The following GPC4 variants were observed in gnomAD, a reference collection of about 807,000 sequenced individuals.
GPC4 encodes glypican 4.
A neutral mutation model predicts 35.0 loss-of-function variants in GPC4; 10 were observed. The ratio of observed to expected loss-of-function variants is 0.29; its 90% confidence interval spans 0.18 to 0.48. GPC4 has a LOEUF of 0.48. GPC4 is among the 20% of genes least tolerant of loss of function. The probability of loss-of-function intolerance (pLI) is 0.99; values close to 1 mark genes in which losing one functional copy is unlikely to be tolerated. For missense variants in GPC4, 322 were observed against 451.3 expected (o/e 0.71, Z 2.60); for synonymous variants, 167 against 170.2 (o/e 0.98, Z 0.15).
intron 1 of GPC4, among the ~76,000 whole-genome samples, chrX:133,353,836 C>CA (rs2068527785): frequency 9.0e-6 from 1 of 111,399 alleles, no homozygotes; most frequent in Non-Finnish European, 1.9e-5. Flanking sequence ...GGTGATCAGG[C>CA]ACCAGGGTCT....
At chrX:133,310,156 C>A (rs2068308545) in intron 4 of GPC4, among the ~76,000 whole-genome samples, 1 of 111,266 alleles carries the variant, frequency 9.0e-6, no homozygotes, top group African/African-American at 3.3e-5. Flanking sequence ...AAGCATTCCC[C>A]AACATTAACA....
chrX:133,303,368 A>G, intron 7 of GPC4, 27 bp from the exon 8 acceptor site: 1 of 1,170,625 alleles, frequency 8.5e-7, no homozygotes, highest in Non-Finnish European at 1.2e-6. Flanking sequence ...CCCCAGTAAG[A>G]TGATTCGTAA....
intron 3 of GPC4, among the ~76,000 whole-genome samples, chrX:133,321,792 A>G (rs1330165038): frequency 8.9e-6 from 1 of 111,930 alleles, no homozygotes; most frequent in Non-Finnish European, 1.9e-5. Context: ...TCCTTTAATT[A>G]TAACAATCAT....
Position 133,339,269 on chromosome X carries a change from T to C in GPC4, c.233A>G (p.Gln78Arg), listed in dbSNP as rs767055200. The C allele has an allele frequency of 8.3e-7, 1 of 1,211,322 alleles. No individual in the cohort carries two copies. The change falls in exon 2 of 9, where the codon CAA becomes CGA. Residue 78 changes from glutamine to arginine, a missense_variant. Physicochemically the swap from Gln to Arg is conservative, Grantham distance 43 (BLOSUM62 1). Coordinates refer to ENST00000370828, the MANE Select transcript of GPC4 (RefSeq NM_001448.3). Reference sequence around the variant, plus strand: ...CACACTTTTGAAATCATCTTTACTTTGCAGGCTGTACTTCTCCTCCATCTC... The same window carrying C: ...CACACTTTTGAAATCATCTTTACTTCGCAGGCTGTACTTCTCCTCCATCTC... ...SQEMEEKYSL[Q>R]SKDDFKSVVS... is the part of the protein sequence containing the mutation.
intron 1 of GPC4, among the ~76,000 whole-genome samples, chrX:133,384,783 C>T (rs139033379): frequency 4.5e-5 from 5 of 111,855 alleles, no homozygotes; most frequent in African/African-American, 1.3e-4. Flanking sequence ...CTCTTAATAG[C>T]CAGTGTTCCC....
At chrX:133,395,237 AAATT>A (rs758599743) in intron 1 of GPC4, among the ~76,000 whole-genome samples, 47 of 112,085 alleles carry the variant, frequency 4.2e-4, no homozygotes, top group Admixed American at 7.6e-4. Flanking sequence ...TATTGTTATT[AAATT>A]AATAATTAAT....
intron 1 of GPC4, among the ~76,000 whole-genome samples, chrX:133,412,736 G>A (rs1193620224): frequency 9.0e-6 from 1 of 111,522 alleles, no homozygotes; most frequent in African/African-American, 3.3e-5. Context: ...GATTTCTGGG[G>A]ATGATGACAA....
chrX:133,397,556 CAAA>C (rs111513469), intron 1 of GPC4, among the ~76,000 whole-genome samples: 1 of 95,717 alleles, frequency 1.0e-5, no homozygotes. Context: ...GACCTTGTCT[CAAA>C]AAAAAAAAAG....
rs903253034 is a variant in GPC4, at chrX:133,300,569, T to A, written c.*2298A>T. ...CCTGAATGGAAAAATCTATGATTTG[T>A]TTATTTCATAGTTGAAGTTCAAAAG... is the stretch of plus-strand genomic sequence containing the variant. On this transcript the variant is annotated 3_prime_UTR_variant, in exon 9 of 9. Transcript: ENST00000370828. The A allele has an allele frequency of 8.9e-6, 1 of 112,069 alleles. No individual in the cohort carries two copies. Among genetic ancestry groups the A allele is most frequent in the Admixed American group, 9.5e-5 (1 of 10,503 alleles). The allele number at this position is 112,069 out of a possible 1,213,427, so 9.2% of individuals were successfully genotyped here.
chrX:133,352,426 C>G (rs1369694156), intron 1 of GPC4, among the ~76,000 whole-genome samples: 2 of 110,067 alleles, frequency 1.8e-5, no homozygotes, highest in Admixed American at 9.7e-5. Flanking sequence ...GTCAACAAAG[C>G]AAAATCGGCA....
intron 1 of GPC4, among the ~76,000 whole-genome samples, chrX:133,377,324 C>CA (rs1184069483): frequency 2.7e-5 from 3 of 111,547 alleles, no homozygotes; most frequent in Non-Finnish European, 3.8e-5. Context: ...AATTTCCTCA[C>CA]ATGCAACAGC....
At chrX:133,369,267 G>A (rs1448178429) in intron 1 of GPC4, among the ~76,000 whole-genome samples, 1 of 111,461 alleles carries the variant, frequency 9.0e-6, no homozygotes, top group Non-Finnish European at 1.9e-5. Context: ...CCTCCTCTGA[G>A]AGAGGTTATG....
intron 2 of GPC4, among the ~76,000 whole-genome samples, chrX:133,334,199 C>G (rs1366908619): frequency 8.9e-6 from 1 of 111,791 alleles, no homozygotes; most frequent in East Asian, 2.8e-4. Context: ...CTAATATGAA[C>G]TACAGAAAAT....
At chrX:133,321,816 C>G (rs1335636075) in intron 3 of GPC4, among the ~76,000 whole-genome samples, 1 of 111,779 alleles carries the variant, frequency 8.9e-6, no homozygotes, top group Admixed American at 9.5e-5. Flanking sequence ...CCCACTTACC[C>G]TCAACTCCAC....
chrX:133,334,142 T>G (rs1361691361), intron 2 of GPC4, among the ~76,000 whole-genome samples: 1 of 112,042 alleles, frequency 8.9e-6, no homozygotes, highest in African/African-American at 3.2e-5. Context: ...CACGGGCATA[T>G]AAATTTTAAT....
chrX:133,390,199 C>T (rs187889890), intron 1 of GPC4, among the ~76,000 whole-genome samples: 3 of 111,756 alleles, frequency 2.7e-5, no homozygotes, highest in African/African-American at 9.7e-5. Flanking sequence ...TCACCTCAAA[C>T]TGCTTTTTTT....
At chrX:133,399,121 TTTACTA>T (rs1425746537) in intron 1 of GPC4, among the ~76,000 whole-genome samples, 3 of 111,510 alleles carry the variant, frequency 2.7e-5, no homozygotes, top group Non-Finnish European at 3.8e-5. Context: ...AAACCAGAGT[TTTACTA>T]TTGCAAGGCC....
intron 1 of GPC4, among the ~76,000 whole-genome samples, chrX:133,411,929 T>C (rs1345405702): frequency 9.0e-6 from 1 of 111,336 alleles, no homozygotes; most frequent in African/African-American, 3.3e-5. Flanking sequence ...ATCCTAACTA[T>C]GATCTATAAA....
intron 2 of GPC4, among the ~76,000 whole-genome samples, chrX:133,335,674 G>C (rs1292976635): frequency 8.9e-6 from 1 of 112,542 alleles, no homozygotes; most frequent in Non-Finnish European, 1.9e-5. Flanking sequence ...AATTGAGGAA[G>C]AATGATGGAA....
Sources: gnomAD v4.1 joint callset for allele counts (sites outside exome capture counted in the v4.1 genomes callset) on GRCh38, gnomAD v4.1.1 for gene constraint, MANE v1.5 for transcripts, NCBI Gene and HGNC (gene_info 2026-07-23, HGNC 2026-07-21) for gene names.